Variants in TNIK observed in about 807,000 individuals in gnomAD.
The protein encoded by TNIK is TRAF2 and NCK-interacting protein kinase.
TNIK carries 49 observed loss-of-function variants against 191.3 expected under a neutral mutation model. The ratio of observed to expected loss-of-function variants is 0.26; its 90% CI spans 0.20 to 0.32. The LOEUF (loss-of-function observed/expected upper bound fraction) is 0.32. Among genes scored for constraint, TNIK ranks in the 10% least tolerant of loss-of-function variants. The pLI, the probability that TNIK is intolerant of heterozygous loss-of-function variation, is 1.00. For missense variants in TNIK, 1,155 were observed against 1,702.3 expected, an observed-to-expected ratio of 0.68 and a Z score of 5.66; for synonymous variants, 594 against 600.9, an observed-to-expected ratio of 0.99 and a Z score of 0.17.
At chr3:171,261,723 G>T (rs773549528) in intron 2 of TNIK, among the ~76,000 whole-genome samples, 3 of 152,172 alleles carry the variant, frequency 2.0e-5, no homozygotes, top group Non-Finnish European at 4.4e-5. Context: ...ATTGCTTCAG[G>T]TGGTGTGGCT....
chr3:171,298,263 C>T (rs1173639452), intron 2 of TNIK, among the ~76,000 whole-genome samples: 1 of 152,166 alleles, frequency 6.6e-6, no homozygotes, highest in Non-Finnish European at 1.5e-5. Context: ...GCCCCTTCCC[C>T]CAAACCTTTT....
intron 7 of TNIK, among the ~76,000 whole-genome samples, chr3:171,179,766 T>C (rs544885674): frequency 6.1e-4 from 93 of 152,200 alleles, no homozygotes; most frequent in Non-Finnish European, 1.1e-3. Flanking sequence ...TGGGGTTTTA[T>C]GGTTGATAGA....
Position 171,159,088 on chromosome 3 carries a change from G to A in TNIK, c.1017-1424C>T, listed in dbSNP as rs1407181867. ...GCAGAAGAGCAACATGAGCAGATGG[G>A]TTTGGCTGCTAAATGGATGACCTAG... is the stretch of plus-strand genomic sequence containing the variant. On this transcript the variant is annotated intron_variant, in intron 11 of 32. Transcript: ENST00000436636. This position sits in a 1 kb window ranked among gnomAD's most constrained non-coding sequence, Gnocchi z 4.1. Among the ~76,000 whole-genome samples, 1 of 152,216 alleles carries A rather than the reference G, an allele frequency of 6.6e-6. No individual in the cohort carries two copies. The highest frequency in any genetic ancestry group is 1.5e-5 in the Non-Finnish European group (1 of 68,038).
At chr3:171,329,044 A>G (rs767663457) in intron 2 of TNIK, among the ~76,000 whole-genome samples, 1 of 152,206 alleles carries the variant, frequency 6.6e-6, no homozygotes, top group Non-Finnish European at 1.5e-5. Context: ...CTCAAATTTC[A>G]TACTATTCTT....
intron 18 of TNIK, among the ~76,000 whole-genome samples, chr3:171,113,501 G>A (rs1005399330): frequency 1.3e-5 from 2 of 151,890 alleles, no homozygotes; most frequent in African/African-American, 4.8e-5. Flanking sequence ...AGCTAGTTGA[G>A]AGGCTGAGGC....
intron 3 of TNIK, among the ~76,000 whole-genome samples, chr3:171,219,239 T>C (rs1011893802): frequency 7.0e-6 from 1 of 142,336 alleles, no homozygotes; most frequent in Non-Finnish European, 1.5e-5. Flanking sequence ...ATTATAATTA[T>C]ATGTAATATA....
chr3:171,269,355 T>C (rs1748813875), intron 2 of TNIK, among the ~76,000 whole-genome samples: 1 of 152,244 alleles, frequency 6.6e-6, no homozygotes, highest in African/African-American at 2.4e-5. Context: ...ATGTGCAAGA[T>C]TGCAATGGCA....
intron 2 of TNIK, among the ~76,000 whole-genome samples, chr3:171,301,948 T>G (rs1752930931): frequency 6.6e-6 from 1 of 151,630 alleles, no homozygotes; most frequent in South Asian, 2.1e-4. Context: ...GGAAAAAATT[T>G]GTGTATACAC....
At chr3:171,102,692 G>C (rs190774226) in intron 21 of TNIK, among the ~76,000 whole-genome samples, 1 of 152,112 alleles carries the variant, frequency 6.6e-6, no homozygotes, top group Non-Finnish European at 1.5e-5. Flanking sequence ...GGGGATTAGG[G>C]AGAAAGAAAC....
intron 8 of TNIK, among the ~76,000 whole-genome samples, chr3:171,176,751 T>C (rs1209704893): frequency 6.6e-6 from 1 of 152,228 alleles, no homozygotes; most frequent in Non-Finnish European, 1.5e-5. Context: ...TCAGTTACAC[T>C]TCCTATATGG....
At chr3:171,325,300 CAA>C (rs1358488411) in intron 2 of TNIK, among the ~76,000 whole-genome samples, 3 of 151,956 alleles carry the variant, frequency 2.0e-5, no homozygotes, top group Non-Finnish European at 4.4e-5. Context: ...AGACCAAAGG[CAA>C]AATGCCTTTG....
intron 1 of TNIK, among the ~76,000 whole-genome samples, chr3:171,451,846 G>A (rs1728211910): frequency 6.6e-6 from 1 of 152,118 alleles, no homozygotes; most frequent in Non-Finnish European, 1.5e-5. Context: ...AATGAATGCT[G>A]GATACCATGT....
chr3:171,187,263 T>A (rs181741658), intron 7 of TNIK, among the ~76,000 whole-genome samples: 1 of 152,344 alleles, frequency 6.6e-6, no homozygotes. Flanking sequence ...GCAAACAGAA[T>A]TATTTAAATA....
intron 17 of TNIK, 53 bp downstream of exon 17, chr3:171,125,859 T>G: frequency 6.3e-7 from 1 of 1,595,078 alleles, no homozygotes; most frequent in Non-Finnish European, 8.5e-7. Context: ...ATAGTGGTAA[T>G]AAAAATCATC....
chr3:171,084,949 A>G (rs572243626), intron 25 of TNIK, among the ~76,000 whole-genome samples, 169 bp downstream of exon 25: 1 of 152,332 alleles, frequency 6.6e-6, no homozygotes. Context: ...AAAGTAATAC[A>G]TTTGTTTTAG....
intron 2 of TNIK, among the ~76,000 whole-genome samples, chr3:171,296,152 G>C (rs1307171486): frequency 6.6e-6 from 1 of 152,148 alleles, no homozygotes; most frequent in African/African-American, 2.4e-5. Context: ...TAGAACTCAT[G>C]GACTTCCAGC....
intron 2 of TNIK, among the ~76,000 whole-genome samples, chr3:171,246,825 A>G (rs1004699399): frequency 2.6e-5 from 4 of 152,190 alleles, no homozygotes; most frequent in African/African-American, 9.7e-5. Context: ...TGAGAAGTTG[A>G]TATTATGATG....
At chr3:171,328,350 T>G (rs749161049) in intron 2 of TNIK, among the ~76,000 whole-genome samples, 12 of 152,146 alleles carry the variant, frequency 7.9e-5, no homozygotes, top group Non-Finnish European at 1.5e-4. Context: ...AACCACCCAG[T>G]TCATGATATT....
chr3:171,162,796 AAGGTCAATCT>A (rs2108741096), intron 10 of TNIK, among the ~76,000 whole-genome samples: 1 of 152,390 alleles, frequency 6.6e-6, no homozygotes, highest in African/African-American at 2.4e-5. Flanking sequence ...TCATTAATAA[AAGGTCAATCT>A]AGGATTTGGA....
Sources: allele counts gnomAD v4.1 joint callset (sites outside exome capture counted in the v4.1 genomes callset), GRCh38; gene constraint gnomAD v4.1.1; non-coding constraint Gnocchi (gnomAD v3.1); transcripts MANE v1.5; gene names NCBI Gene and HGNC (gene_info 2026-07-23, HGNC 2026-07-21).